SHOC1: variants seen among roughly 807,000 people sequenced by gnomAD.
SHOC1 encodes the protein protein shortage in chiasmata 1 ortholog.
A neutral mutation model predicts 179.2 loss-of-function variants in SHOC1; 136 were observed. That is an observed-to-expected ratio of 0.76 (90% CI 0.66 to 0.87). The LOEUF is 0.87. Among genes scored for constraint, SHOC1 ranks in the 40% least tolerant of loss-of-function variants. The pLI is 0.00. For missense variants in SHOC1, 1,538 were observed against 1,700.8 expected, an observed-to-expected ratio of 0.90 and a Z score of 1.68; for synonymous variants, 489 against 586.6, an observed-to-expected ratio of 0.83 and a Z score of 2.41.
chr9:111,702,433 A>T (rs1036152042), intron 22 of SHOC1, among the ~76,000 whole-genome samples: 3 of 152,238 alleles, frequency 2.0e-5, no homozygotes, highest in Non-Finnish European at 4.4e-5. Flanking sequence ...TGACAGCTTC[A>T]GCAAGGAAGG....
chr9:111,722,326 C>T (rs372373610), intron 15 of SHOC1, 83 bp downstream of exon 15: 1 of 1,335,732 alleles, frequency 7.5e-7, no homozygotes, highest in Non-Finnish European at 1.0e-6. Flanking sequence ...ATTTCTGAAT[C>T]TTCTATACCC....
chr9:111,773,092 G>A (rs1835684681), intron 5 of SHOC1, among the ~76,000 whole-genome samples: 1 of 151,974 alleles, frequency 6.6e-6, no homozygotes, highest in Non-Finnish European at 1.5e-5. Flanking sequence ...GTGTCCCTAG[G>A]ATCTGTCTCA....
intron 14 of SHOC1, 110 bp from the exon 15 acceptor site, chr9:111,722,695 T>C: frequency 2.4e-6 from 2 of 817,840 alleles, no homozygotes; most frequent in Non-Finnish European, 3.7e-6. Flanking sequence ...TCTGAATTAT[T>C]TTCTGAGTTA....
intron 20 of SHOC1, among the ~76,000 whole-genome samples, chr9:111,705,777 G>A (rs1451287966): frequency 6.6e-6 from 1 of 151,990 alleles, no homozygotes; most frequent in African/African-American, 2.4e-5. Flanking sequence ...TTTACATAAA[G>A]ATTTTAAATT....
intron 8 of SHOC1, 143 bp downstream of exon 8, chr9:111,756,182 A>T (rs1188504623): frequency 6.3e-5 from 35 of 558,004 alleles, no homozygotes; most frequent in Middle Eastern, 4.7e-4. Flanking sequence ...CTCATCAAAA[A>T]TAATCCTGAG....
In SHOC1 at chr9:111,762,070, A is replaced by G. The variant is rs530272061; in HGVS notation, c.443-3222T>C. Among the ~76,000 whole-genome samples, 3 of 152,304 alleles carry G rather than the reference A, an allele frequency of 2.0e-5. No homozygotes were observed. The East Asian group carries it at 5.8e-4, about 29-fold the overall frequency. ...ATTTATATACATATTTGAAATTAAA[A>G]ACATTAGTGGTCTCAAATTTGGAAA... On this transcript the variant is annotated intron_variant, in intron 5 of 27. Coordinates refer to ENST00000682961, the MANE Select transcript of SHOC1 (RefSeq NM_001378211.1).
Position 111,768,001 on chromosome 9 carries a change from T to C in SHOC1, c.442+7790A>G, listed in dbSNP as rs1453187139. On this transcript the variant is annotated intron_variant, in intron 5 of 27. Transcript: ENST00000682961. ...TATTAATTTAGTAATATTCTTTCAA[T>C]TCATGAGTATGAAATATTATATCTT... Among the ~76,000 whole-genome samples, 3 of 152,094 alleles carry C rather than the reference T, an allele frequency of 2.0e-5. No homozygotes were observed. The East Asian group carries it at 5.8e-4, about 29-fold the overall frequency.
chr9:111,740,591 T>C (rs990380477), intron 11 of SHOC1, among the ~76,000 whole-genome samples: 4 of 152,220 alleles, frequency 2.6e-5, no homozygotes, highest in African/African-American at 4.8e-5. Context: ...TTATTTATTT[T>C]TGAGATGGAG....
At chr9:111,759,362 G>C in intron 5 of SHOC1, 1 of 1,485,696 alleles carries the variant, frequency 6.7e-7, no homozygotes, top group Non-Finnish European at 9.0e-7. Context: ...TCACATGGTT[G>C]CTATAAAATT....
intron 8 of SHOC1, among the ~76,000 whole-genome samples, chr9:111,749,728 T>C (rs1418681000): frequency 2.0e-5 from 3 of 152,194 alleles, no homozygotes; most frequent in Admixed American, 2.0e-4. Context: ...CATGTGTCCA[T>C]GTGTTCTCAT....
In SHOC1 at chr9:111,758,124, A is replaced by T. The variant is rs762784594; in HGVS notation, c.668T>A (p.Phe223Tyr). The change falls in exon 7 of 28, where the codon TTT (phenylalanine) becomes TAT (tyrosine). Residue 223 changes from phenylalanine (F) to tyrosine (Y), a missense_variant. Phe to Tyr is a conservative substitution (Grantham distance 22). Coordinates refer to ENST00000682961, the MANE Select transcript of SHOC1 (RefSeq NM_001378211.1). ...KEDFCMDKVNFCQEKLEDTIC... is the reference protein window; with the variant it reads ...KEDFCMDKVNYCQEKLEDTIC... ...TGTATCTTCTAGTTTCTCTTGACAA[A>T]AGTTCACTTTATCCATACAAAAATC... is the stretch of plus-strand genomic sequence containing the variant. The T allele has an allele frequency of 6.3e-7, 1 of 1,585,104 alleles. No homozygotes were observed. Among genetic ancestry groups the T allele is most frequent in the Non-Finnish European group, 8.6e-7 (1 of 1,162,760 alleles).
chr9:111,738,203 C>T (rs1833889077), intron 12 of SHOC1, 77 bp downstream of exon 12: 1 of 1,336,448 alleles, frequency 7.5e-7, no homozygotes, highest in Non-Finnish European at 1.0e-6. Context: ...TCCCAATTAC[C>T]TAGAGGAAAT....
intron 10 of SHOC1, among the ~76,000 whole-genome samples, chr9:111,742,992 A>C (rs924633386): frequency 6.6e-6 from 1 of 152,256 alleles, no homozygotes; most frequent in African/African-American, 2.4e-5. Flanking sequence ...ATAAAAATAT[A>C]TTCACAAGTC....
rs1476784992 is a variant in SHOC1 at position 111,694,276 on chromosome 9, A to G, written c.3270T>C (p.Pro1090=). ...GCCAGGATTTATCCAACCATTCATGAGGATCTCTCTTTGAGGTCATTAAAC... is the reference window on the plus strand; with the variant it reads ...GCCAGGATTTATCCAACCATTCATGGGGATCTCTCTTTGAGGTCATTAAAC... ...DHSLMTSKRD[P]HEWLDKSWLK... The change falls in exon 25 of 28, where the codon CCT becomes CCC. Residue 1090 remains proline (P), a synonymous_variant. Transcript: ENST00000682961. The G allele has an allele frequency of 1.6e-5, 25 of 1,611,570 alleles. No individual in the cohort carries two copies. Among genetic ancestry groups the G allele is most frequent in the Non-Finnish European group, 2.1e-5 (25 of 1,178,436 alleles).
intron 4 of SHOC1, among the ~76,000 whole-genome samples, chr9:111,777,854 T>C (rs1283013963): frequency 6.6e-6 from 1 of 152,174 alleles, no homozygotes; most frequent in Non-Finnish European, 1.5e-5. Context: ...CTTAAAATCA[T>C]AGGTGGAGAA....
intron 5 of SHOC1, among the ~76,000 whole-genome samples, chr9:111,775,389 G>C (rs1835790832): frequency 6.6e-6 from 1 of 151,908 alleles, no homozygotes. Context: ...TTGAACCTTG[G>C]TTTCACATAA....
At chr9:111,788,128 G>A (rs1836329883) in intron 2 of SHOC1, among the ~76,000 whole-genome samples, 1 of 146,062 alleles carries the variant, frequency 6.8e-6, no homozygotes, top group Non-Finnish European at 1.5e-5. Context: ...GTGCAGTGGC[G>A]TGGTCTCGGC....
intron 27 of SHOC1, among the ~76,000 whole-genome samples, chr9:111,688,797 T>C (rs1305691993): frequency 7.1e-6 from 1 of 140,034 alleles, no homozygotes; most frequent in Non-Finnish European, 1.5e-5. Flanking sequence ...ACATGCCATT[T>C]TCAATACTCT....
At chr9:111,686,939 C>CTTTTT (rs10537471) in intron 27 of SHOC1, 69 bp from the exon 28 acceptor site, 85 of 520,748 alleles carry the variant, frequency 1.6e-4, no homozygotes, top group East Asian at 3.6e-4. Flanking sequence ...TTTTCTTTTC[C>CTTTTT]TTTTTTTTTT....
Sources: gnomAD v4.1 joint callset for allele counts (sites outside exome capture counted in the v4.1 genomes callset) on GRCh38, gnomAD v4.1.1 for gene constraint, MANE v1.5 for transcripts, NCBI Gene and HGNC (gene_info 2026-07-23, HGNC 2026-07-21) for gene names.